Variants in LAMA2 observed in about 807,000 individuals in gnomAD.
The protein encoded by LAMA2 is laminin subunit alpha 2.
Under a neutral mutation model 364.8 loss-of-function variants are expected in LAMA2, and 269 were observed. The observed-to-expected ratio is 0.74, with a 90% CI of 0.67 to 0.82. The LOEUF (loss-of-function observed/expected upper bound fraction) is 0.82. LAMA2 is among the 40% of genes least tolerant of loss of function. The pLI, the probability that LAMA2 is intolerant of heterozygous loss-of-function variation, is 0.00. For missense variants in LAMA2, 3,807 were observed against 3,873.2 expected, an observed-to-expected ratio of 0.98 and a Z score of 0.45; for synonymous variants, 1,379 against 1,370.6, an observed-to-expected ratio of 1.01 and a Z score of -0.14.
chr6:129,335,375 GA>G (rs1775898401), intron 29 of LAMA2, among the ~76,000 whole-genome samples: 1 of 151,676 alleles, frequency 6.6e-6, no homozygotes, highest in Non-Finnish European at 1.5e-5. Flanking sequence ...TAGATAGATA[GA>G]TAGATAGATA....
intron 30 of LAMA2, among the ~76,000 whole-genome samples, chr6:129,346,636 A>G (rs982155932): frequency 6.6e-6 from 1 of 152,148 alleles, no homozygotes; most frequent in South Asian, 2.1e-4. Flanking sequence ...TTTATTCAAG[A>G]AAAAGTTAAT....
chr6:129,124,733 C>T (rs970975934), intron 4 of LAMA2, among the ~76,000 whole-genome samples: 37 of 152,100 alleles, frequency 2.4e-4, no homozygotes, highest in African/African-American at 7.5e-4. Flanking sequence ...ATATATTTAC[C>T]GCATACAGTT....
At chr6:129,333,491 G>A (rs1775775426) in intron 29 of LAMA2, among the ~76,000 whole-genome samples, 1 of 152,180 alleles carries the variant, frequency 6.6e-6, no homozygotes, top group Admixed American at 6.5e-5. Flanking sequence ...ATTGTGGAGA[G>A]TGGAGTGGGA....
chr6:129,146,520 T>C (rs1778461964), intron 5 of LAMA2, among the ~76,000 whole-genome samples: 1 of 152,034 alleles, frequency 6.6e-6, no homozygotes, highest in Non-Finnish European at 1.5e-5. Context: ...CCAGATTTTG[T>C]TGGTTCTTTT....
chr6:129,367,237 G>T (rs534853403), intron 33 of LAMA2, among the ~76,000 whole-genome samples: 2 of 152,260 alleles, frequency 1.3e-5, no homozygotes, highest in Non-Finnish European at 2.9e-5. Context: ...AAGATGAAAG[G>T]TGTCAACTTA....
chr6:129,025,280 G>A (rs532768579), intron 1 of LAMA2, among the ~76,000 whole-genome samples: 2 of 151,922 alleles, frequency 1.3e-5, no homozygotes, highest in South Asian at 4.1e-4. Flanking sequence ...CACTTGAGTC[G>A]TTTATCTGTA....
At chr6:129,430,609 G>A (rs565321770) in intron 41 of LAMA2, among the ~76,000 whole-genome samples, 1 of 152,330 alleles carries the variant, frequency 6.6e-6, no homozygotes, top group Non-Finnish European at 1.5e-5. Context: ...ATTGATGACT[G>A]AAAGAGTGAA....
intron 43 of LAMA2, among the ~76,000 whole-genome samples, chr6:129,441,900 T>C (rs1460389924): frequency 6.6e-6 from 1 of 152,018 alleles, no homozygotes. Flanking sequence ...GGAGGATCCC[T>C]TGAACCCAGA....
intron 21 of LAMA2, among the ~76,000 whole-genome samples, chr6:129,299,287 C>G (rs1442895453): frequency 6.6e-6 from 1 of 152,016 alleles, no homozygotes; most frequent in Non-Finnish European, 1.5e-5. Flanking sequence ...TTTCCATCTG[C>G]AAAATTCATC....
intron 12 of LAMA2, among the ~76,000 whole-genome samples, chr6:129,245,574 G>A (rs1785696447): frequency 6.6e-6 from 1 of 152,098 alleles, no homozygotes; most frequent in African/African-American, 2.4e-5. Context: ...ACAGTTATTT[G>A]CAGTACGTAT....
chr6:129,499,927 A>G (rs1378672916), intron 58 of LAMA2, among the ~76,000 whole-genome samples: 2 of 151,680 alleles, frequency 1.3e-5, no homozygotes, highest in Admixed American at 1.3e-4. Context: ...GTTCTTTTGG[A>G]GAGACAGAGG....
intron 2 of LAMA2, among the ~76,000 whole-genome samples, chr6:129,052,013 ATG>A (rs1044137437): frequency 1.4e-5 from 2 of 139,218 alleles, no homozygotes; most frequent in Non-Finnish European, 3.2e-5. Context: ...ATATATATAT[ATG>A]TAGAGAGAGA....
At chr6:129,466,607 G>A (rs1289301042) in intron 51 of LAMA2, among the ~76,000 whole-genome samples, 2 of 151,970 alleles carry the variant, frequency 1.3e-5, no homozygotes, top group Admixed American at 6.6e-5. Context: ...GCTCTGTGTA[G>A]TTAGTTGTTC....
At chr6:129,463,530 G>A (rs987791480) in intron 49 of LAMA2, among the ~76,000 whole-genome samples, 5 of 152,076 alleles carry the variant, frequency 3.3e-5, no homozygotes, top group African/African-American at 9.6e-5. Flanking sequence ...AGACAGATAG[G>A]TAGGTAGATA....
intron 24 of LAMA2, among the ~76,000 whole-genome samples, chr6:129,315,004 T>C (rs1774488251): frequency 6.6e-6 from 1 of 152,182 alleles, no homozygotes; most frequent in Non-Finnish European, 1.5e-5. Context: ...GTAGTTCACT[T>C]ATTGATAAGG....
chr6:128,933,827 A>T (rs969179972), intron 1 of LAMA2, among the ~76,000 whole-genome samples: 1 of 152,158 alleles, frequency 6.6e-6, no homozygotes, highest in Non-Finnish European at 1.5e-5. Flanking sequence ...TTCCTTATAT[A>T]TTTTGAATAT....
intron 35 of LAMA2, among the ~76,000 whole-genome samples, chr6:129,385,299 A>AAG (rs1444035690): frequency 7.5e-6 from 1 of 132,532 alleles, no homozygotes; most frequent in African/African-American, 3.3e-5. Flanking sequence ...GGGAGGAAGA[A>AAG]AAGAAGAAAA....
rs775791328 is a variant in LAMA2 at position 129,192,746 on chromosome 6, G to T, written c.1675G>T (p.Asp559Tyr). ...CCGCATTCGAGTGGCTCCCCAGCAG[G>T]ACGACTTGGACTCACCTCAGCAGAT... ...PGRIRVAPQQDDLDSPQQISI... is the reference protein window; with the variant it reads ...PGRIRVAPQQYDLDSPQQISI... The change falls in exon 12 of 65, where the codon GAC (aspartate) becomes TAC (tyrosine). Residue 559 changes from aspartate to tyrosine, a missense_variant. By Grantham distance (160) the Asp-to-Tyr change is radical. Transcript: ENST00000421865. 8.1e-6 allele frequency: 13 copies of T among 1,614,164 alleles called. No individual in the cohort carries two copies. The highest frequency in any genetic ancestry group is 1.1e-5 in the Non-Finnish European group (13 of 1,180,016).
chr6:129,452,223 T>G (rs1226909245), intron 45 of LAMA2, among the ~76,000 whole-genome samples: 1 of 152,332 alleles, frequency 6.6e-6, no homozygotes, highest in East Asian at 1.9e-4. Context: ...TATTTATGAT[T>G]GAAGGAAGGC....
Sources: allele counts gnomAD v4.1 joint callset (sites outside exome capture counted in the v4.1 genomes callset), GRCh38; gene constraint gnomAD v4.1.1; transcripts MANE v1.5; gene names NCBI Gene and HGNC (gene_info 2026-07-23, HGNC 2026-07-21).